The following RNGTT variants were observed in gnomAD, a reference collection of about 807,000 sequenced individuals.
RNGTT encodes the protein mRNA-capping enzyme.
A neutral mutation model predicts 79.3 loss-of-function variants in RNGTT; 33 were observed. The ratio of observed to expected loss-of-function variants is 0.42; its 90% CI spans 0.32 to 0.56. RNGTT has a LOEUF of 0.56. Ranked by LOEUF, RNGTT falls within the 20% of genes least tolerant of loss-of-function variation. The pLI, the probability that RNGTT is intolerant of heterozygous loss-of-function variation, is 0.17. For synonymous variants in RNGTT, 222 were observed against 235.9 expected (o/e 0.94, Z 0.54); for missense variants, 497 against 739.1 (o/e 0.67, Z 3.80).
At chr6:88,742,719 T>C (rs1777534939) in intron 13 of RNGTT, among the ~76,000 whole-genome samples, 1 of 152,194 alleles carries the variant, frequency 6.6e-6, no homozygotes, top group Non-Finnish European at 1.5e-5. Context: ...TTAGATTACA[T>C]TACAATAGCT....
chr6:88,963,392 G>C lies in RNGTT; in HGVS notation c.18C>G (p.Ile6Met). MAHNK[I>M]PPRWLNCPRR... is the part of the protein sequence containing the mutation. Reference sequence around the variant, plus strand: ...GGGGACAGTTCAGCCACCGCGGCGGGATCTTGTTGTGAGCCATGTCTTGGG... The same window carrying C: ...GGGGACAGTTCAGCCACCGCGGCGGCATCTTGTTGTGAGCCATGTCTTGGG... Residue 6 changes from isoleucine (I) to methionine (M), a missense_variant, in exon 1 of 16, where the codon ATC (isoleucine) becomes ATG (methionine). By Grantham distance (10) the Ile-to-Met change is conservative. Transcript: ENST00000369485. 6.2e-7 allele frequency: 1 copy of C among 1,609,272 alleles called. No homozygotes were observed.
At chr6:88,627,686 T>C (rs1229639217) in intron 14 of RNGTT, among the ~76,000 whole-genome samples, 1 of 152,098 alleles carries the variant, frequency 6.6e-6, no homozygotes, top group Non-Finnish European at 1.5e-5. Flanking sequence ...TCTAAACTCT[T>C]TCTCCTTTAA....
intron 13 of RNGTT, among the ~76,000 whole-genome samples, chr6:88,720,781 A>G (rs1776682297): frequency 6.6e-6 from 1 of 152,156 alleles, no homozygotes. Context: ...AAAAAGGTAA[A>G]TCTGAGTATA....
intron 14 of RNGTT, among the ~76,000 whole-genome samples, chr6:88,664,507 A>G (rs552020640): frequency 6.6e-6 from 1 of 152,308 alleles, no homozygotes; most frequent in South Asian, 2.1e-4. Flanking sequence ...AGCCGCAAAG[A>G]AGGTGAATGC....
intron 11 of RNGTT, among the ~76,000 whole-genome samples, chr6:88,834,915 A>G (rs2127892337): frequency 6.6e-6 from 1 of 152,232 alleles, no homozygotes; most frequent in South Asian, 2.1e-4. Flanking sequence ...ATATTAATAA[A>G]ATTATTTTAA....
chr6:88,794,711 C>T (rs1373055463), intron 12 of RNGTT, among the ~76,000 whole-genome samples: 1 of 152,126 alleles, frequency 6.6e-6, no homozygotes, highest in Admixed American at 6.5e-5. Flanking sequence ...AACAGAAAGG[C>T]ATCTTTAAAG....
chr6:88,766,538 T>G (rs530637771), intron 13 of RNGTT, among the ~76,000 whole-genome samples: 5 of 152,196 alleles, frequency 3.3e-5, no homozygotes, highest in Admixed American at 3.3e-4. Flanking sequence ...AAATCAATGT[T>G]AATATATCTC....
At chr6:88,725,805 T>C (rs1334479588) in intron 13 of RNGTT, among the ~76,000 whole-genome samples, 1 of 151,456 alleles carries the variant, frequency 6.6e-6, no homozygotes, top group African/African-American at 2.4e-5. Flanking sequence ...CTCCAGCCAG[T>C]CCCTCCCCTA....
intron 13 of RNGTT, among the ~76,000 whole-genome samples, chr6:88,720,799 T>A (rs1460665095): frequency 6.6e-6 from 1 of 152,070 alleles, no homozygotes; most frequent in African/African-American, 2.4e-5. Flanking sequence ...ATATGATGAG[T>A]ATTTAACATT....
intron 8 of RNGTT, among the ~76,000 whole-genome samples, chr6:88,861,939 C>T (rs1406612820): frequency 6.6e-6 from 1 of 151,958 alleles, no homozygotes; most frequent in Non-Finnish European, 1.5e-5. Context: ...ATTTAGCTAC[C>T]TTAGGAATAA....
intron 1 of RNGTT, among the ~76,000 whole-genome samples, chr6:88,958,175 G>A (rs141232623): frequency 2.6e-5 from 4 of 152,108 alleles, no homozygotes; most frequent in African/African-American, 7.2e-5. Flanking sequence ...AACAAGCTAC[G>A]CGTAGAAGAA....
intron 5 of RNGTT, among the ~76,000 whole-genome samples, chr6:88,905,333 A>ATTT (rs1416935817): frequency 6.6e-6 from 1 of 152,222 alleles, no homozygotes. Flanking sequence ...CTTTCAACAG[A>ATTT]TCCAGGCACT....
intron 11 of RNGTT, among the ~76,000 whole-genome samples, chr6:88,817,749 ATTTTTTTTTT>A (rs71554802): frequency 4.1e-4 from 29 of 71,568 alleles, no homozygotes; most frequent in African/African-American, 1.4e-3. Context: ...TATTCACATC[ATTTTTTTTTT>A]TTTTTTTTTT....
chr6:88,627,392 G>A (rs933320672), intron 14 of RNGTT, among the ~76,000 whole-genome samples: 1 of 152,058 alleles, frequency 6.6e-6, no homozygotes, highest in African/African-American at 2.4e-5. Flanking sequence ...TCAAGGACAT[G>A]CTAACAATTT....
At chr6:88,698,264 T>C (rs1414411014) in intron 13 of RNGTT, among the ~76,000 whole-genome samples, 1 of 125,460 alleles carries the variant, frequency 8.0e-6, no homozygotes, top group Non-Finnish European at 1.6e-5. Flanking sequence ...TATATAAATA[T>C]ATATGATATA....
intron 13 of RNGTT, among the ~76,000 whole-genome samples, chr6:88,741,757 T>G (rs999674182): frequency 3.3e-5 from 5 of 152,140 alleles, no homozygotes; most frequent in Non-Finnish European, 7.4e-5. Flanking sequence ...AAAAAATTAT[T>G]AATAGTGGTT....
intron 13 of RNGTT, among the ~76,000 whole-genome samples, chr6:88,679,588 T>G (rs1775012252): frequency 6.6e-6 from 1 of 152,114 alleles, no homozygotes; most frequent in Non-Finnish European, 1.5e-5. Context: ...TATAAAAAAA[T>G]GGTAATGGTT....
intron 14 of RNGTT, among the ~76,000 whole-genome samples, chr6:88,619,420 G>A (rs1342593208): frequency 6.6e-6 from 1 of 152,166 alleles, no homozygotes; most frequent in Non-Finnish European, 1.5e-5. Context: ...CTCTGGCCTT[G>A]GCCTCCCAAA....
At chr6:88,849,942 A>G in intron 9 of RNGTT, 116 bp from the exon 10 acceptor site, 1 of 1,018,856 alleles carries the variant, frequency 9.8e-7, no homozygotes, top group Non-Finnish European at 1.3e-6. Context: ...CAACTTGATG[A>G]AATTTCAAAG....
Sources: allele counts gnomAD v4.1 joint callset (sites outside exome capture counted in the v4.1 genomes callset), GRCh38; gene constraint gnomAD v4.1.1; transcripts MANE v1.5; gene names NCBI Gene and HGNC (gene_info 2026-07-23, HGNC 2026-07-21).